The following ZBED6 variants were observed in gnomAD, a reference collection of about 807,000 sequenced individuals.
The protein encoded by ZBED6 is zinc finger BED domain-containing protein 6.
A neutral mutation model predicts 58.4 loss-of-function variants in ZBED6; 40 were observed. That is an observed-to-expected ratio of 0.68 (90% CI 0.53 to 0.89). The LOEUF (loss-of-function observed/expected upper bound fraction) is 0.89, where lower values mean the gene tolerates loss of function less well. ZBED6 is among the 40% of genes least tolerant of loss of function. ZBED6 has a pLI of 0.00. For missense variants in ZBED6, 1,057 were observed against 1,003.9 expected (o/e 1.05, Z -0.71); for synonymous variants, 439 against 350.6 (o/e 1.25, Z -2.82).
At chr1:203,850,603 C>T (rs1364928962) in exon 15 of ZBED6, 36 of 1,613,982 alleles carry the variant, frequency 2.2e-5, no homozygotes, top group East Asian at 1.6e-4. Flanking sequence ...TGGAGATGCA[C>T]GCTGCTGTCA....
intron 1 of ZBED6, among the ~76,000 whole-genome samples, chr1:203,813,193 G>GT (rs58580767): frequency 0.026 from 3,935 of 151,584 alleles, 165 homozygotes; most frequent in African/African-American, 0.089. Flanking sequence ...CCAATTTAAT[G>GT]TTTTTTTGTT....
At chr1:203,841,142 CTT>C (rs1303978527) in intron 11 of ZBED6, among the ~76,000 whole-genome samples, 1 of 129,802 alleles carries the variant, frequency 7.7e-6, no homozygotes. Context: ...ACATAAGAAT[CTT>C]TTTTTTTTTT....
At chr1:203,835,809 G>T in intron 9 of ZBED6, 1 of 239,552 alleles carries the variant, frequency 4.2e-6, no homozygotes, top group East Asian at 1.0e-4. Flanking sequence ...TTCATCTGGG[G>T]CATAAACACC....
At chr1:203,850,704 G>A in intron 15 of ZBED6, 23 bp downstream of exon 15, 1 of 1,607,782 alleles carries the variant, frequency 6.2e-7, no homozygotes, top group Non-Finnish European at 8.5e-7. Flanking sequence ...TTCACTTTGT[G>A]GTGCTTTATT....
At chr1:203,846,507 CATT>C (rs1487946065) in intron 11 of ZBED6, among the ~76,000 whole-genome samples, 1 of 152,148 alleles carries the variant, frequency 6.6e-6, no homozygotes, top group Non-Finnish European at 1.5e-5. Context: ...CCTTTTATAG[CATT>C]ATACCTACCT....
rs993405307 is a variant in ZBED6, at chr1:203,850,069, T to TA, written c.*4638+44dup. 2.5e-6 allele frequency: 4 copies of TA among 1,581,678 alleles called. No individual in the cohort carries two copies. In the Admixed American group the frequency reaches 5.5e-5, roughly 22 times the overall value. The stretch of plus-strand genomic sequence containing the variant: ...GTGTATTGCTTTAGGTTATCAAAAT[T>TA]ACCAAATTCAACCCAATTGTTGCCA... On this transcript the variant is annotated intron_variant, in intron 14 of 16. Coordinates refer to ENST00000550078, the Ensembl canonical transcript of ZBED6.
chr1:203,831,782 G>T lies in ZBED6; in HGVS notation c.*3510+11G>T. 6.2e-7 allele frequency: 1 copy of T among 1,603,742 alleles called. No individual in the cohort carries two copies. Among genetic ancestry groups the T allele is most frequent in the Non-Finnish European group, 8.5e-7 (1 of 1,172,948 alleles). ...TCTCCACCAAACAAGGTAAGGTATA[G>T]ATAGGTCTTAGAGTTGTCAAGCCTC... On this transcript the variant is annotated intron_variant, in intron 8 of 16. Transcript: ENST00000550078.
At chr1:203,837,758 CT>C (rs1213135962) in intron 9 of ZBED6, among the ~76,000 whole-genome samples, 1 of 152,102 alleles carries the variant, frequency 6.6e-6, no homozygotes, top group African/African-American at 2.4e-5. Flanking sequence ...GATTACAGGC[CT>C]GAGCCACTGC....
exon 4 of ZBED6, chr1:203,828,390 A>G: frequency 6.2e-7 from 1 of 1,613,856 alleles, no homozygotes; most frequent in Non-Finnish European, 8.5e-7. Context: ...AGAGGACGAT[A>G]TGTTGATGGC....
intron 9 of ZBED6, 50 bp from the exon 10 acceptor site, chr1:203,837,916 C>A: frequency 6.4e-7 from 1 of 1,553,146 alleles, no homozygotes; most frequent in Non-Finnish European, 8.8e-7. Flanking sequence ...ATTTCTTGTC[C>A]TTGCTGAAGA....
intron 9 of ZBED6, among the ~76,000 whole-genome samples, chr1:203,834,793 G>A (rs1683706720): frequency 6.6e-6 from 1 of 151,992 alleles, no homozygotes; most frequent in South Asian, 2.1e-4. Flanking sequence ...GGGATTACAG[G>A]CACTACCCCT....
chr1:203,834,990 A>T (rs1454639455), intron 9 of ZBED6, among the ~76,000 whole-genome samples: 1 of 152,208 alleles, frequency 6.6e-6, no homozygotes, highest in East Asian at 1.9e-4. Flanking sequence ...AATTTTCTTC[A>T]TACTGTTTTA....
chr1:203,799,134 A>T (rs1669693421), exon 1 of ZBED6: 1 of 1,510,682 alleles, frequency 6.6e-7, no homozygotes, highest in Non-Finnish European at 8.9e-7. Flanking sequence ...TTTGATAACC[A>T]ATATTTTACA....
exon 15 of ZBED6, chr1:203,850,672 G>A: frequency 6.2e-7 from 1 of 1,613,890 alleles, no homozygotes; most frequent in Non-Finnish European, 8.5e-7. Context: ...CAGCCAAAAA[G>A]GCAGCTGTGG....
At chr1:203,796,597 T>C (rs1459700139) in exon 1 of ZBED6, 2 of 397,200 alleles carry the variant, frequency 5.0e-6, no homozygotes, top group Non-Finnish European at 4.4e-6. Context: ...GCGATGCTTT[T>C]TAGGGTAAAT....
Position 203,852,051 on chromosome 1 carries a change from A to G in ZBED6, c.*4874-90A>G, listed in dbSNP as rs1434021010. The G allele has an allele frequency of 4.8e-5, 70 of 1,456,252 alleles. 1 individual carries two copies. Among genetic ancestry groups the G allele is most frequent in the Non-Finnish European group, 1.9e-6 (2 of 1,074,108 alleles). The allele number at this position is 1,456,252 out of a possible 1,614,324, so 90.2% of individuals were successfully genotyped here. ...TCTTTATGTATGTTCTTAAAAACAA[A>G]TTTTTGCTCACTTTGTGTCCGTGAG... On this transcript the variant is annotated intron_variant, in intron 16 of 16. Coordinates refer to ENST00000550078, the Ensembl canonical transcript of ZBED6.
At chr1:203,805,548 C>A in intron 1 of ZBED6, 3 of 572,658 alleles carry the variant, frequency 5.2e-6, no homozygotes, top group South Asian at 4.2e-5. Context: ...GTATCTGTTA[C>A]GGTAAATTTG....
rs1341245731 is a variant in ZBED6 at position 203,798,284 on chromosome 1, C to G, written c.762C>G (p.Val254=). Reference sequence around the variant, plus strand: ...GATTTCTCATCAAAAGTAACATTGTCAAGCATGCTTTAATTCCTGGAACTA... The same window carrying G: ...GATTTCTCATCAAAAGTAACATTGTGAAGCATGCTTTAATTCCTGGAACTA... The change falls in exon 1 of 17, where the codon GTC becomes GTG. Residue 254 remains valine (V), a synonymous_variant. Transcript: ENST00000550078. 4 of 1,536,130 alleles carry G rather than the reference C, an allele frequency of 2.6e-6. No individual in the cohort carries two copies. In the Admixed American group the frequency reaches 7.8e-5, roughly 30 times the overall value.
intron 1 of ZBED6, among the ~76,000 whole-genome samples, chr1:203,805,259 G>C (rs1159576433): frequency 1.3e-5 from 2 of 150,190 alleles, no homozygotes; most frequent in Non-Finnish European, 3.0e-5. Flanking sequence ...TCAGTCTCCC[G>C]AGAGTAGGAC....
Sources: allele counts gnomAD v4.1 joint callset (sites outside exome capture counted in the v4.1 genomes callset), GRCh38; gene constraint gnomAD v4.1.1; transcripts MANE v1.5; gene names NCBI Gene and HGNC (gene_info 2026-07-23, HGNC 2026-07-21).